Variants in OR2AG1 observed in about 807,000 individuals in gnomAD.
OR2AG1 encodes the protein olfactory receptor 2AG1.
For synonymous variants in OR2AG1, 157 were observed against 155.6 expected (o/e 1.01, Z -0.07); for missense variants, 391 against 385.9 (o/e 1.01, Z -0.11).
Position 6,786,208 on chromosome 11 carries a change from A to G in OR2AG1, c.*220A>G, listed in dbSNP as rs74057922. On this transcript the variant is annotated 3_prime_UTR_variant, in exon 2 of 2. Coordinates refer to ENST00000641258, the MANE Select transcript of OR2AG1 (RefSeq NM_001004489.3). ...ACTATCTAAAATTACTCTTCACTCT[A>G]TTTAAAATTTAATCTTTATTTTCCC... is the stretch of plus-strand genomic sequence containing the variant. 4.9e-3 allele frequency: 2,188 copies of G among 450,018 alleles called. 56 individuals carry two copies. Among genetic ancestry groups the G allele is most frequent in the African/African-American group, 0.039 (1,943 of 50,450 alleles). 27.9% of individuals were successfully genotyped at this position (450,018 alleles called of 1,614,324 possible).
rs1436475946 is a variant in OR2AG1 at position 6,785,105 on chromosome 11, C to T, written c.68C>T (p.Ser23Phe). The T allele has an allele frequency of 6.2e-7, 1 of 1,613,970 alleles. No individual in the cohort carries two copies. Among genetic ancestry groups the T allele is most frequent in the Non-Finnish European group, 8.5e-7 (1 of 1,179,968 alleles). ...ILVGILNDSG[S>F]PELLCATITI... is the part of the protein sequence containing the mutation. ...GTGGGGATTCTGAATGACAGTGGGT[C>T]TCCTGAACTGCTCTGTGCTACAATT... Residue 23 changes from serine (S) to phenylalanine (F), a missense_variant, in exon 2 of 2, where the codon TCT becomes TTT. Physicochemically the swap from Ser to Phe is radical, Grantham distance 155. Coordinates refer to ENST00000641258, the MANE Select transcript of OR2AG1 (RefSeq NM_001004489.3).
chr11:6,785,731 G>A lies in OR2AG1; in HGVS notation c.694G>A (p.Glu232Lys), dbSNP rs147519190. The change falls in exon 2 of 2, where the codon GAG (glutamate) becomes AAG (lysine). Residue 232 changes from glutamate to lysine, a missense_variant. By Grantham distance (56) the Glu-to-Lys change is moderately conservative. Coordinates refer to ENST00000641258, the MANE Select transcript of OR2AG1 (RefSeq NM_001004489.3). The part of the protein sequence containing the change: ...LLTVLHMPSN[E>K]GRKKALVTCS... ...CACTGTGCTCCATATGCCATCAAATGAGGGGAGGAAGAAAGCCCTTGTCAC... is the reference window on the plus strand; with the variant it reads ...CACTGTGCTCCATATGCCATCAAATAAGGGGAGGAAGAAAGCCCTTGTCAC... The A allele has an allele frequency of 3.5e-5, 57 of 1,614,046 alleles. No individual in the cohort carries two copies. The highest frequency in any genetic ancestry group is 4.7e-5 in the Non-Finnish European group (55 of 1,180,016).
In OR2AG1 at chr11:6,785,493, A is replaced by G. The variant is rs924750560; in HGVS notation, c.456A>G (p.Ala152=). The G allele has an allele frequency of 3.7e-6, 6 of 1,614,146 alleles. No individual in the cohort carries two copies. The highest frequency in any genetic ancestry group is 5.1e-6 in the Non-Finnish European group (6 of 1,180,032). ...WLMVATSWIL[A]SLSALIYTVY... is the part of the protein sequence containing the mutation. ...TGGTGGCCACGTCCTGGATCCTGGC[A>G]TCCCTAAGTGCCCTAATATATACCG... Residue 152 remains alanine, a synonymous_variant, in exon 2 of 2, where the codon GCA becomes GCG. Coordinates refer to ENST00000641258, the MANE Select transcript of OR2AG1 (RefSeq NM_001004489.3).
Position 6,783,259 on chromosome 11 carries a change from C to T in OR2AG1, c.-233C>T, listed in dbSNP as rs905997964. On this transcript the variant is annotated 5_prime_UTR_variant, in exon 1 of 2. Transcript: ENST00000641258. Reference sequence around the variant, plus strand: ...CATCCACTGCTATCTCTAGGGTAGACCTGCAGATAAGTGGAAGGAATAGAA... The same window carrying T: ...CATCCACTGCTATCTCTAGGGTAGATCTGCAGATAAGTGGAAGGAATAGAA... The T allele has an allele frequency of 1.3e-5, 2 of 152,216 alleles. No homozygotes were observed. The highest frequency in any genetic ancestry group is 2.9e-5 in the Non-Finnish European group (2 of 68,050). 9.4% of individuals were successfully genotyped at this position (152,216 alleles called of 1,614,324 possible).
rs760760396 is a variant in OR2AG1, at chr11:6,785,121, T to G, written c.84T>G (p.Cys28Trp). ...ACAGTGGGTCTCCTGAACTGCTCTGTGCTACAATTACAATCCTATACTTGT... is the reference window on the plus strand; with the variant it reads ...ACAGTGGGTCTCCTGAACTGCTCTGGGCTACAATTACAATCCTATACTTGT... ...LNDSGSPELL[C>W]ATITILYLLA... Residue 28 changes from cysteine (C) to tryptophan (W), a missense_variant, in exon 2 of 2, where the codon TGT becomes TGG. Cys to Trp is a radical substitution (Grantham distance 215). Coordinates refer to ENST00000641258, the MANE Select transcript of OR2AG1 (RefSeq NM_001004489.3). 24 of 1,614,024 alleles carry G rather than the reference T, an allele frequency of 1.5e-5. No homozygotes were observed. In the East Asian group the frequency reaches 2.7e-4, roughly 18 times the overall value.
At position 6,785,674 on chromosome 11, in the gene OR2AG1, G is replaced by A. The variant is rs1397089902; in HGVS notation, c.637G>A (p.Ala213Thr). The change falls in exon 2 of 2, where the codon GCT becomes ACT. Residue 213 changes from alanine (A) to threonine (T), a missense_variant. Transcript: ENST00000641258. ...GACCTTCCTGATTCCCTCTCTTGCT[G>A]CTATACTGGCCTCCTATACACAAAT... ...GVTFLIPSLA[A>T]ILASYTQILL... is the part of the protein sequence containing the mutation. The A allele has an allele frequency of 6.2e-7, 1 of 1,614,056 alleles. No homozygotes were observed. Among genetic ancestry groups the A allele is most frequent in the South Asian group, 1.1e-5 (1 of 91,070 alleles).
At position 6,788,802 on chromosome 11, in the gene OR2AG1, T is replaced by G. The variant is rs954685033; in HGVS notation, c.*2814T>G. On this transcript the variant is annotated 3_prime_UTR_variant, in exon 2 of 2. Transcript: ENST00000641258. ...TATCTGTGCCTGCGTGTACACTTCCTGTTTTCCCTCATTATAACTGCTTGA... is the reference window on the plus strand; with the variant it reads ...TATCTGTGCCTGCGTGTACACTTCCGGTTTTCCCTCATTATAACTGCTTGA... The G allele has an allele frequency of 6.6e-6, 1 of 152,038 alleles. No individual in the cohort carries two copies. The highest frequency in any genetic ancestry group is 2.1e-4 in the South Asian group (1 of 4,820). 9.4% of individuals were successfully genotyped at this position (152,038 alleles called of 1,614,324 possible).
At position 6,787,927 on chromosome 11, in the gene OR2AG1, A is replaced by G. The variant is rs1383588398; in HGVS notation, c.*1939A>G. On this transcript the variant is annotated 3_prime_UTR_variant, in exon 2 of 2. Transcript: ENST00000641258. ...CATATTTTTTCATGTTAAATTTTAC[A>G]TATAAGTAGTCTTCACTAATTGATA... 6.6e-6 allele frequency: 1 copy of G among 152,210 alleles called. No homozygotes were observed. Among genetic ancestry groups the G allele is most frequent in the Non-Finnish European group, 1.5e-5 (1 of 68,036 alleles). The allele number at this position is 152,210 out of a possible 1,614,324, so 9.4% of individuals were successfully genotyped here.
rs1311366259 is a variant in OR2AG1 at position 6,787,147 on chromosome 11, C to G, written c.*1159C>G. On this transcript the variant is annotated 3_prime_UTR_variant, in exon 2 of 2. Transcript: ENST00000641258. ...AGGCTGAGTAGAGATAATTCCTACACGTATTTATATGAATTTCCTTCCATT... is the reference window on the plus strand; with the variant it reads ...AGGCTGAGTAGAGATAATTCCTACAGGTATTTATATGAATTTCCTTCCATT... The G allele has an allele frequency of 2.0e-5, 3 of 152,078 alleles. No homozygotes were observed. The highest frequency in any genetic ancestry group is 3.9e-4 in the East Asian group (2 of 5,194). The allele number at this position is 152,078 out of a possible 1,614,324, so 9.4% of individuals were successfully genotyped here.
In OR2AG1 at chr11:6,785,551, C is replaced by T. The variant is rs1219156749; in HGVS notation, c.514C>T (p.Gln172Ter). The T allele has an allele frequency of 6.2e-7, 1 of 1,614,184 alleles. No individual in the cohort carries two copies. The highest frequency in any genetic ancestry group is 8.5e-7 in the Non-Finnish European group (1 of 1,180,022). Reference protein sequence around the residue: ...YTMHYPFCRAQEIRHLLCEIP... With the variant: ...YTMHYPFCRA Reference sequence around the variant, plus strand: ...CATGCACTATCCCTTCTGCAGGGCCCAGGAGATCAGGCATCTTCTCTGTGA... The same window carrying T: ...CATGCACTATCCCTTCTGCAGGGCCTAGGAGATCAGGCATCTTCTCTGTGA... Residue 172 changes from glutamine to a stop codon, truncating the protein, a stop_gained, in exon 2 of 2, where the codon CAG becomes TAG. Coordinates refer to ENST00000641258, the MANE Select transcript of OR2AG1 (RefSeq NM_001004489.3). LOFTEE classifies it low-confidence loss of function (END_TRUNC).
Position 6,787,119 on chromosome 11 carries a change from G to A in OR2AG1, c.*1131G>A, listed in dbSNP as rs982301336. The A allele has an allele frequency of 6.6e-5, 10 of 152,090 alleles. No homozygotes were observed. Among genetic ancestry groups the A allele is most frequent in the African/African-American group, 2.4e-4 (10 of 41,408 alleles). 9.4% of individuals were successfully genotyped at this position (152,090 alleles called of 1,614,324 possible). On this transcript the variant is annotated 3_prime_UTR_variant, in exon 2 of 2. Transcript: ENST00000641258. The stretch of plus-strand genomic sequence containing the variant: ...AGTAGTAGTATATCATGTTTGGAAG[G>A]CAAGGCTGAGTAGAGATAATTCCTA...
In OR2AG1 at chr11:6,791,378, C is replaced by T. The variant is rs997024701; in HGVS notation, c.*5390C>T. 2 of 152,176 alleles carry T rather than the reference C, an allele frequency of 1.3e-5. No homozygotes were observed. The highest frequency in any genetic ancestry group is 2.9e-5 in the Non-Finnish European group (2 of 68,030). The allele number at this position is 152,176 out of a possible 1,614,324, so 9.4% of individuals were successfully genotyped here. On this transcript the variant is annotated 3_prime_UTR_variant, in exon 2 of 2. Coordinates refer to ENST00000641258, the MANE Select transcript of OR2AG1 (RefSeq NM_001004489.3). ...GAATGCTTCTAAGAGAAAATGAATA[C>T]ACCTGCCCTATAGGCCCGCTTCTCT... is the stretch of plus-strand genomic sequence containing the variant.
Position 6,785,764 on chromosome 11 carries a change from T to C in OR2AG1, c.727T>C (p.Ser243Pro). The change falls in exon 2 of 2, where the codon TCC (serine) becomes CCC (proline). Residue 243 changes from serine to proline, a missense_variant. By Grantham distance (74) the Ser-to-Pro change is moderately conservative (BLOSUM62 -1). Coordinates refer to ENST00000641258, the MANE Select transcript of OR2AG1 (RefSeq NM_001004489.3). The stretch of plus-strand genomic sequence containing the variant: ...GAAGAAAGCCCTTGTCACCTGCTCT[T>C]CCCACCTGACTGTGGTTGGGATGTT... ...GRKKALVTCS[S>P]HLTVVGMFYG... 1 of 1,614,204 alleles carries C rather than the reference T, an allele frequency of 6.2e-7. No homozygotes were observed. The highest frequency in any genetic ancestry group is 8.5e-7 in the Non-Finnish European group (1 of 1,180,020).
rs758191817 is a variant in OR2AG1 at position 6,785,839 on chromosome 11, A to C, written c.802A>C (p.Thr268Pro). The part of the protein sequence containing the change: ...MYVLPSSFHS[T>P]RQDNIISVFY... ...TGTCTTGCCCAGTTCCTTCCACAGC[A>C]CCAGACAAGACAACATCATCTCTGT... The change falls in exon 2 of 2, where the codon ACC becomes CCC. Residue 268 changes from threonine to proline, a missense_variant. Coordinates refer to ENST00000641258, the MANE Select transcript of OR2AG1 (RefSeq NM_001004489.3). 13 of 1,614,004 alleles carry C rather than the reference A, an allele frequency of 8.1e-6. No individual in the cohort carries two copies. Among genetic ancestry groups the C allele is most frequent in the African/African-American group, 4.0e-5 (3 of 74,898 alleles).
chr11:6,788,911 TAAA>T lies in OR2AG1; in HGVS notation c.*2924_*2926del, dbSNP rs1847654939. The T allele has an allele frequency of 7.8e-6, 1 of 128,486 alleles. No homozygotes were observed. The highest frequency in any genetic ancestry group is 1.6e-5 in the Non-Finnish European group (1 of 62,838). The allele number at this position is 128,486 out of a possible 1,614,324, so 8.0% of individuals were successfully genotyped here. ...AACAGAGTGAGATTCTGTCACAAAA[TAAA>T]TAAATAAATAAATAAATAAATAAAT... On this transcript the variant is annotated 3_prime_UTR_variant, in exon 2 of 2. Transcript: ENST00000641258.
intron 1 of OR2AG1, among the ~76,000 whole-genome samples, chr11:6,784,623 C>T (rs1847603348): frequency 6.6e-6 from 1 of 152,124 alleles, no homozygotes; most frequent in African/African-American, 2.4e-5. Context: ...AGTCTCTGTA[C>T]CTGTTTGGAA....
Position 6,789,895 on chromosome 11 carries a change from G to A in OR2AG1, c.*3907G>A, listed in dbSNP as rs1217177712. On this transcript the variant is annotated 3_prime_UTR_variant, in exon 2 of 2. Coordinates refer to ENST00000641258, the MANE Select transcript of OR2AG1 (RefSeq NM_001004489.3). ...TGTATGATCCAAGATTCCCACTTCT[G>A]ACTATATATCCAAAGGTAATTAAAT... The A allele has an allele frequency of 6.6e-6, 1 of 152,204 alleles. No individual in the cohort carries two copies. The highest frequency in any genetic ancestry group is 1.5e-5 in the Non-Finnish European group (1 of 68,014). 9.4% of individuals were successfully genotyped at this position (152,204 alleles called of 1,614,324 possible).
rs768992103 is a variant in OR2AG1, at chr11:6,785,295, G to A, written c.258G>A (p.Leu86=). Residue 86 remains leucine (L), a synonymous_variant, in exon 2 of 2, where the codon CTG becomes CTA. Transcript: ENST00000641258. ...VVTPKALADF[L]RRENTISFGG... ...CTCCCAAGGCCCTTGCGGACTTTCT[G>A]CGCAGAGAAAACACCATCTCCTTTG... The A allele has an allele frequency of 1.4e-5, 23 of 1,614,042 alleles. No homozygotes were observed. Among genetic ancestry groups the A allele is most frequent in the Non-Finnish European group, 1.9e-5 (22 of 1,180,024 alleles).
rs746802173 is a variant in OR2AG1 at position 6,787,862 on chromosome 11, G to A, written c.*1874G>A. 6.6e-6 allele frequency: 1 copy of A among 151,918 alleles called. No individual in the cohort carries two copies. The highest frequency in any genetic ancestry group is 1.5e-5 in the Non-Finnish European group (1 of 67,966). The allele number at this position is 151,918 out of a possible 1,614,324, so 9.4% of individuals were successfully genotyped here. On this transcript the variant is annotated 3_prime_UTR_variant, in exon 2 of 2. Coordinates refer to ENST00000641258, the MANE Select transcript of OR2AG1 (RefSeq NM_001004489.3). ...GTTTTCTTAAAATGTTAAATATTTT[G>A]CATTCTTACCAGCAACATATAAGTG...
Sources: allele counts gnomAD v4.1 joint callset (sites outside exome capture counted in the v4.1 genomes callset), GRCh38; gene constraint gnomAD v4.1.1; transcripts MANE v1.5; gene names NCBI Gene and HGNC (gene_info 2026-07-23, HGNC 2026-07-21).